The following THAP4 variants were observed in gnomAD, a reference collection of about 807,000 sequenced individuals.
The protein encoded by THAP4 is peroxynitrite isomerase THAP4.
THAP4 carries 18 observed loss-of-function variants against 48.1 expected under a neutral mutation model. The ratio of observed to expected loss-of-function variants is 0.37; its 90% CI spans 0.26 to 0.56. The LOEUF (loss-of-function observed/expected upper bound fraction) is 0.56, where lower values mean the gene tolerates loss of function less well. THAP4 is among the 20% of genes least tolerant of loss of function. The pLI is 0.78. For synonymous variants in THAP4, 345 were observed against 324.9 expected (o/e 1.06, Z -0.66); for missense variants, 656 against 774.9 (o/e 0.85, Z 1.82).
At chr2:241,596,853 A>G (rs923292278) in intron 5 of THAP4, among the ~76,000 whole-genome samples, 3 of 152,168 alleles carry the variant, frequency 2.0e-5, no homozygotes, top group Non-Finnish European at 4.4e-5. Flanking sequence ...GGCAGGCACC[A>G]TGAGTGGAGC....
chr2:241,589,729 A>G (rs527684794), intron 5 of THAP4, among the ~76,000 whole-genome samples: 1 of 152,268 alleles, frequency 6.6e-6, no homozygotes, highest in East Asian at 1.9e-4. Flanking sequence ...AGTTAGGTCT[A>G]CACATGCTTA....
chr2:241,613,411 G>T (rs2067301784), intron 2 of THAP4, among the ~76,000 whole-genome samples: 1 of 152,178 alleles, frequency 6.6e-6, no homozygotes, highest in Admixed American at 6.5e-5. Flanking sequence ...TTGTCCCTGA[G>T]AGCTGACACC....
chr2:241,593,559 C>A (rs996055997), intron 5 of THAP4, among the ~76,000 whole-genome samples: 1 of 147,422 alleles, frequency 6.8e-6, no homozygotes, highest in Non-Finnish European at 1.5e-5. Flanking sequence ...TGGGGACAGG[C>A]GAACAGCCTG....
At chr2:241,600,543 C>A (rs1283268184) in intron 5 of THAP4, among the ~76,000 whole-genome samples, 1 of 151,830 alleles carries the variant, frequency 6.6e-6, no homozygotes, top group African/African-American at 2.4e-5. Context: ...CTGGCTAACA[C>A]AGCGAAACCC....
At chr2:241,609,864 C>A (rs372778479) in intron 2 of THAP4, among the ~76,000 whole-genome samples, 182 of 152,368 alleles carry the variant, frequency 1.2e-3, no homozygotes, top group African/African-American at 4.2e-3. Flanking sequence ...GCACACCCCA[C>A]AGCGACTGCC....
intron 1 of THAP4, 135 bp from the exon 2 acceptor site, chr2:241,634,214 CA>C (rs2067608730): frequency 1.6e-6 from 1 of 634,476 alleles, no homozygotes; most frequent in Non-Finnish European, 2.6e-6. Context: ...AAAAATACTT[CA>C]AAAAGATTTA....
chr2:241,636,461 C>A (rs746262584), intron 1 of THAP4, among the ~76,000 whole-genome samples: 2 of 152,206 alleles, frequency 1.3e-5, no homozygotes, highest in Admixed American at 6.5e-5. Flanking sequence ...CCCCAGCCGG[C>A]CGTCCCGTAG....
In THAP4 at chr2:241,610,236, T is replaced by C. The variant is rs1371691160; in HGVS notation, c.1241-3763A>G. ...GGTGAGGGGCACGCGCCGCAAGTCC[T>C]GCCTCTGCTCCCGGGCGGCCCCCTC... On this transcript the variant is annotated intron_variant, in intron 2 of 5. Transcript: ENST00000407315. The surrounding 1 kb of genome is among the most constrained non-coding windows in gnomAD (Gnocchi z 4.2). Among the ~76,000 whole-genome samples the C allele has an allele frequency of 2.6e-5, 4 of 152,174 alleles. No individual in the cohort carries two copies. Among genetic ancestry groups the C allele is most frequent in the Non-Finnish European group, 4.4e-5 (3 of 68,012 alleles).
intron 2 of THAP4, among the ~76,000 whole-genome samples, chr2:241,614,607 C>T (rs1033657190): frequency 7.1e-4 from 108 of 152,126 alleles, no homozygotes; most frequent in African/African-American, 5.8e-4. Context: ...GGAATACCGC[C>T]GGGCGCAGTG....
At chr2:241,602,321 T>C (rs913188006) in intron 4 of THAP4, among the ~76,000 whole-genome samples, 5 of 149,992 alleles carry the variant, frequency 3.3e-5, no homozygotes, top group Non-Finnish European at 5.9e-5. Flanking sequence ...GGAATGGACG[T>C]CCAGGAAGAA....
chr2:241,610,528 C>A lies in THAP4; in HGVS notation c.1241-4055G>T, dbSNP rs887284204. Among the ~76,000 whole-genome samples the A allele has an allele frequency of 6.6e-6, 1 of 152,176 alleles. No individual in the cohort carries two copies. The highest frequency in any genetic ancestry group is 2.4e-5 in the African/African-American group (1 of 41,446). On this transcript the variant is annotated intron_variant, in intron 2 of 5. Transcript: ENST00000407315. The surrounding 1 kb of genome is among the most constrained non-coding windows in gnomAD (Gnocchi z 4.2). ...CCAGCAAGAGCAGAGGCGGGAGCCT[C>A]GCCAGCCCCTCCACAGACCACAGCG...
intron 2 of THAP4, chr2:241,617,613 G>T: frequency 1.5e-6 from 1 of 684,644 alleles, no homozygotes; most frequent in Non-Finnish European, 2.3e-6. Context: ...TGACAGCCCA[G>T]ATCACAGAAT....
chr2:241,624,234 T>G lies in THAP4; in HGVS notation c.1240+8683A>C, dbSNP rs539813987. ...CAGGCGTGGTGGCTCACGCCTATAA[T>G]CCCAGCACTGTGGGAGGCTGAGGCG... is the stretch of plus-strand genomic sequence containing the variant. On this transcript the variant is annotated intron_variant, in intron 2 of 5. Coordinates refer to ENST00000407315, the MANE Select transcript of THAP4 (RefSeq NM_015963.6). Among the ~76,000 whole-genome samples, 3 of 152,330 alleles carry G rather than the reference T, an allele frequency of 2.0e-5. No individual in the cohort carries two copies. In the South Asian group the frequency reaches 6.2e-4, roughly 32 times the overall value.
rs553503060 is a variant in THAP4 at position 241,603,274 on chromosome 2, G to A, written c.1401-195C>T. Among the ~76,000 whole-genome samples the A allele has an allele frequency of 8.8e-5, 13 of 147,884 alleles. No homozygotes were observed. In the South Asian group the frequency reaches 1.3e-3, roughly 15 times the overall value. On this transcript the variant is annotated intron_variant, in intron 3 of 5. Coordinates refer to ENST00000407315, the MANE Select transcript of THAP4 (RefSeq NM_015963.6). ...CTGCTGACCCTCCACTCCTGAAGAC[G>A]GGCTGTTCCAGCCACGCCCACACAC... is the stretch of plus-strand genomic sequence containing the variant.
At chr2:241,634,520 G>C (rs1221319879) in intron 1 of THAP4, among the ~76,000 whole-genome samples, 1 of 152,236 alleles carries the variant, frequency 6.6e-6, no homozygotes, top group African/African-American at 2.4e-5. Context: ...ACTAGGGCGT[G>C]AGAGGTCAGG....
chr2:241,632,127 C>CGAA (rs2067571459), intron 2 of THAP4, among the ~76,000 whole-genome samples: 1 of 151,594 alleles, frequency 6.6e-6, no homozygotes, highest in Non-Finnish European at 1.5e-5. Flanking sequence ...GAGTCTTATT[C>CGAA]TGTCACCCAG....
chr2:241,598,364 C>T (rs1476984093), intron 5 of THAP4, among the ~76,000 whole-genome samples: 2 of 152,146 alleles, frequency 1.3e-5, no homozygotes, highest in Non-Finnish European at 1.5e-5. Context: ...ACTCCAATAC[C>T]AAAATGGACA....
At chr2:241,627,994 G>A (rs1199090217) in intron 2 of THAP4, among the ~76,000 whole-genome samples, 4 of 151,898 alleles carry the variant, frequency 2.6e-5, no homozygotes, top group East Asian at 1.9e-4. Context: ...TCCACTTCAC[G>A]GCCAAACCTG....
chr2:241,619,021 AGAAAGG>A (rs2067379388), intron 2 of THAP4, among the ~76,000 whole-genome samples: 1 of 152,010 alleles, frequency 6.6e-6, no homozygotes, highest in African/African-American at 2.4e-5. Context: ...AGCGGGGAGG[AGAAAGG>A]GAAAGACACG....
Sources: gnomAD v4.1 joint callset for allele counts (sites outside exome capture counted in the v4.1 genomes callset) on GRCh38, gnomAD v4.1.1 for gene constraint, Gnocchi (gnomAD v3.1) non-coding constraint, MANE v1.5 for transcripts, NCBI Gene and HGNC (gene_info 2026-07-23, HGNC 2026-07-21) for gene names.